Variants in IFRD1 observed in about 807,000 individuals in gnomAD.
The protein encoded by IFRD1 is interferon related developmental regulator 1, also known as interferon-related developmental regulator 1.
Under a neutral mutation model 52.9 loss-of-function variants are expected in IFRD1, and 35 were observed. The observed-to-expected ratio is 0.66, with a 90% CI of 0.51 to 0.88. The LOEUF is 0.88. Ranked by LOEUF, IFRD1 falls within the 40% of genes least tolerant of loss-of-function variation. The pLI, the probability that IFRD1 is intolerant of heterozygous loss-of-function variation, is 0.00. For missense variants in IFRD1, 517 were observed against 550.8 expected, an observed-to-expected ratio of 0.94 and a Z score of 0.61; for synonymous variants, 184 against 188.4, an observed-to-expected ratio of 0.98 and a Z score of 0.19.
rs754451595 is a variant in IFRD1, at chr7:112,453,474, C to T, written c.95-2289C>T. Among the ~76,000 whole-genome samples, 14 of 151,596 alleles carry T rather than the reference C, an allele frequency of 9.2e-5. 1 individual carries two copies. The highest frequency in any genetic ancestry group is 7.4e-5 in the Non-Finnish European group (5 of 67,944). ...ATATGTGTATTTTTTTTCTTTCCCT[C>T]GAATCTTAGAAATCATTAATACTGA... is the stretch of plus-strand genomic sequence containing the variant. On this transcript the variant is annotated intron_variant, in intron 1 of 11. Transcript: ENST00000403825.
At chr7:112,449,003 G>T (rs1390820857), upstream of IFRD1, among the ~76,000 whole-genome samples, 3 of 152,254 alleles carry the variant, frequency 2.0e-5, no homozygotes, top group Non-Finnish European at 4.4e-5. Context: ...AGGCTGGAAA[G>T]GGAGTCAGGG....
At chr7:112,443,170 G>A (rs1794934790) in intron 1 of IFRD1, among the ~76,000 whole-genome samples, 1 of 152,178 alleles carries the variant, frequency 6.6e-6, no homozygotes. Context: ...CATGTTGTCA[G>A]TCGTTTCCCA....
intron 1 of IFRD1, chr7:112,452,384 T>C: frequency 1.3e-6 from 1 of 772,502 alleles, no homozygotes; most frequent in Non-Finnish European, 1.6e-6. Flanking sequence ...CACGAGTCCC[T>C]CGTCCCCAGG....
At chr7:112,472,721 A>G (rs1288036269) in intron 10 of IFRD1, 45 bp from the exon 11 acceptor site, 4 of 1,143,592 alleles carry the variant, frequency 3.5e-6, no homozygotes, top group African/African-American at 3.0e-5. Flanking sequence ...AAAAAGAGCT[A>G]TAATGTTTAA....
intron 4 of IFRD1, chr7:112,457,629 G>A (rs1795328362): frequency 6.6e-6 from 1 of 152,180 alleles, no homozygotes; most frequent in Admixed American, 6.6e-5. Context: ...CTGTAATTGT[G>A]GCACTTTGGG....
At chr7:112,432,769 G>A (rs1180411108) in intron 1 of IFRD1, among the ~76,000 whole-genome samples, 2 of 152,208 alleles carry the variant, frequency 1.3e-5, no homozygotes, top group African/African-American at 4.8e-5. Flanking sequence ...CAAAGGCCAA[G>A]CACTGTAGGG....
intron 1 of IFRD1, among the ~76,000 whole-genome samples, chr7:112,431,148 T>C (rs562028703): frequency 2.0e-5 from 3 of 152,320 alleles, no homozygotes; most frequent in African/African-American, 7.2e-5. Flanking sequence ...ATTAGTGCTT[T>C]ACAGGGCACA....
chr7:112,461,487 G>A (rs1401149428), intron 5 of IFRD1: 1 of 158,188 alleles, frequency 6.3e-6, no homozygotes, highest in Non-Finnish European at 1.4e-5. Context: ...CACCCTTTCA[G>A]AATGCTTTAC....
chr7:112,462,086 C>T lies in IFRD1; in HGVS notation c.704C>T (p.Thr235Ile). ...AAAGACACTACTGTTATTTGCAGCA[C>T]TCCTAATACAGTGCTTCATATCAGC... ...KEKDTTVICS[T>I]PNTVLHISSL... The change falls in exon 7 of 12, where the codon ACT becomes ATT. Residue 235 changes from threonine to isoleucine, a missense_variant. Coordinates refer to ENST00000403825, the MANE Select transcript of IFRD1 (RefSeq NM_001550.4). 6.2e-7 allele frequency: 1 copy of T among 1,613,354 alleles called. No homozygotes were observed. The highest frequency in any genetic ancestry group is 1.3e-5 in the African/African-American group (1 of 75,008).
At chr7:112,435,660 G>GTGTGTGTGTGTGTGTGTGTGTGTGTGCT (rs58000864) in intron 1 of IFRD1, 1 of 150,692 alleles carries the variant, frequency 6.6e-6, no homozygotes, top group Admixed American at 6.6e-5. Flanking sequence ...GTGTGTGCGT[G>GTGTGTGTGTGTGTGTGTGTGTGTGTGCT]CTTGTAAAAA....
At chr7:112,428,652 C>T (rs532162073) in intron 1 of IFRD1, among the ~76,000 whole-genome samples, 64 of 152,218 alleles carry the variant, frequency 4.2e-4, no homozygotes, top group African/African-American at 1.4e-3. Context: ...GGTGGCTTAT[C>T]GAAGGTAAGG....
intron 11 of IFRD1, among the ~76,000 whole-genome samples, chr7:112,475,027 C>T (rs1017783843): frequency 1.1e-4 from 16 of 151,798 alleles, no homozygotes; most frequent in Middle Eastern, 3.2e-3. Flanking sequence ...GGCGTGATCT[C>T]GGCTCACTGC....
At position 112,467,972 on chromosome 7, in the gene IFRD1, C is replaced by A. The variant is rs776227350; in HGVS notation, c.907-9C>A. On this transcript the variant is annotated splice_polypyrimidine_tract_variant and intron_variant, in intron 8 of 11. Transcript: ENST00000403825. ...TAATAAAGGAAACAAAATTGCTTTT[C>A]TTGTCCAGGACTTTTTTTATGAAGA... is the stretch of plus-strand genomic sequence containing the variant. 12 of 1,613,366 alleles carry A rather than the reference C, an allele frequency of 7.4e-6. No individual in the cohort carries two copies. The South Asian group carries it at 1.1e-4, about 15-fold the overall frequency.
At position 112,475,467 on chromosome 7, in the gene IFRD1, A is replaced by C; in HGVS notation, c.1304A>C (p.Lys435Thr). 6.2e-7 allele frequency: 1 copy of C among 1,612,876 alleles called. No individual in the cohort carries two copies. Among genetic ancestry groups the C allele is most frequent in the South Asian group, 1.1e-5 (1 of 90,912 alleles). ...TCTGCAGCCTTCAAAGCTCGAACCA[A>C]AGCTAGAAGCAAATGTCGAGATAAG... Reference protein sequence around the residue: ...YNSAAFKARTKARSKCRDKRA... With the variant: ...YNSAAFKARTTARSKCRDKRA... The change falls in exon 12 of 12, where the codon AAA (lysine) becomes ACA (threonine). Residue 435 changes from lysine to threonine, a missense_variant. Coordinates refer to ENST00000403825, the MANE Select transcript of IFRD1 (RefSeq NM_001550.4).
upstream of IFRD1, chr7:112,450,323 A>C (rs1795118992): frequency 1.6e-5 from 4 of 251,338 alleles, no homozygotes; most frequent in Non-Finnish European, 2.4e-5. Context: ...ATTTGTAGGT[A>C]GGATCCGCGC....
chr7:112,444,623 C>T (rs182334709), intron 1 of IFRD1, among the ~76,000 whole-genome samples: 148 of 152,260 alleles, frequency 9.7e-4, no homozygotes, highest in Admixed American at 1.6e-3. Context: ...GGCAAACATT[C>T]ATCAGGCAGT....
chr7:112,455,403 C>T (rs918771274), intron 1 of IFRD1, among the ~76,000 whole-genome samples: 4 of 151,822 alleles, frequency 2.6e-5, no homozygotes, highest in South Asian at 2.1e-4. Flanking sequence ...GAGAATTGCT[C>T]GAACCCAGGA....
At chr7:112,471,137 GTTAT>G (rs763269410) in intron 9 of IFRD1, among the ~76,000 whole-genome samples, 12 of 152,102 alleles carry the variant, frequency 7.9e-5, no homozygotes, top group Non-Finnish European at 1.3e-4. Flanking sequence ...TAACTCTACT[GTTAT>G]TTATTTATTT....
intron 9 of IFRD1, among the ~76,000 whole-genome samples, chr7:112,469,329 C>T (rs1038745382): frequency 6.6e-6 from 1 of 152,106 alleles, no homozygotes; most frequent in African/African-American, 2.4e-5. Flanking sequence ...ATCTAGGATA[C>T]AAATTAGATC....
Sources: allele counts gnomAD v4.1 joint callset (sites outside exome capture counted in the v4.1 genomes callset), GRCh38; gene constraint gnomAD v4.1.1; transcripts MANE v1.5; gene names NCBI Gene and HGNC (gene_info 2026-07-23, HGNC 2026-07-21).